SFMBT2: variants seen among roughly 807,000 people sequenced by gnomAD.
SFMBT2 encodes the protein Scm like with four mbt domains 2, also known as scm-like with four MBT domains protein 2.
A neutral mutation model predicts 110.1 loss-of-function variants in SFMBT2; 38 were observed. The observed-to-expected ratio is 0.35, with a 90% CI of 0.27 to 0.45. SFMBT2 has a LOEUF of 0.45. Ranked by LOEUF, SFMBT2 falls within the 20% of genes least tolerant of loss-of-function variation. The probability of loss-of-function intolerance (pLI) is 1.00; values close to 1 mark genes in which losing one functional copy is unlikely to be tolerated. For missense variants in SFMBT2, 1,011 were observed against 1,094.9 expected (o/e 0.92, Z 1.08); for synonymous variants, 425 against 425.4 (o/e 1.00, Z 0.01).
intron 4 of SFMBT2, among the ~76,000 whole-genome samples, chr10:7,346,103 A>C (rs1409879): frequency 6.6e-6 from 1 of 152,208 alleles, no homozygotes; most frequent in Non-Finnish European, 1.5e-5. Flanking sequence ...ACGTCCAAGC[A>C]GCAGAAGCTA....
At chr10:7,198,925 A>C (rs559077708) in intron 14 of SFMBT2, among the ~76,000 whole-genome samples, 1 of 152,034 alleles carries the variant, frequency 6.6e-6, no homozygotes, top group South Asian at 2.1e-4. Flanking sequence ...CCTGTAATCA[A>C]TCCATCCTGG....
chr10:7,298,652 T>C (rs903051172), intron 4 of SFMBT2, among the ~76,000 whole-genome samples: 2 of 152,166 alleles, frequency 1.3e-5, no homozygotes, highest in Non-Finnish European at 2.9e-5. Flanking sequence ...TATGTATATG[T>C]GTGTATGTAT....
intron 4 of SFMBT2, among the ~76,000 whole-genome samples, chr10:7,287,615 C>A (rs1228603147): frequency 6.6e-6 from 1 of 152,162 alleles, no homozygotes; most frequent in Non-Finnish European, 1.5e-5. Context: ...AGATGAACCA[C>A]CCATCACAGC....
chr10:7,200,547 A>G, intron 13 of SFMBT2, 63 bp from the exon 14 acceptor site: 1 of 1,370,494 alleles, frequency 7.3e-7, no homozygotes, highest in South Asian at 1.4e-5. Context: ...ACTACATTCC[A>G]AAGTCTTACC....
intron 16 of SFMBT2, among the ~76,000 whole-genome samples, chr10:7,184,169 A>G (rs1838328271): frequency 6.6e-6 from 1 of 152,090 alleles, no homozygotes; most frequent in Admixed American, 6.6e-5. Flanking sequence ...CAAAAAAATC[A>G]TCTCCTCTCC....
chr10:7,165,136 G>C (rs1044459187), intron 20 of SFMBT2, among the ~76,000 whole-genome samples: 3 of 152,160 alleles, frequency 2.0e-5, no homozygotes, highest in Admixed American at 6.5e-5. Flanking sequence ...TGAGGGGTCT[G>C]AGAGATTGCA....
intron 1 of SFMBT2, among the ~76,000 whole-genome samples, chr10:7,389,718 C>A (rs1356734420): frequency 2.0e-5 from 3 of 152,206 alleles, no homozygotes; most frequent in Non-Finnish European, 4.4e-5. Context: ...AACCTCTCTA[C>A]TCCTTGAATT....
chr10:7,297,844 G>A (rs578054356), intron 4 of SFMBT2, among the ~76,000 whole-genome samples: 1 of 152,310 alleles, frequency 6.6e-6, no homozygotes, highest in South Asian at 2.1e-4. Flanking sequence ...GGGTGAAAAT[G>A]TGGCCTCGAC....
intron 4 of SFMBT2, among the ~76,000 whole-genome samples, chr10:7,345,032 A>G (rs1844063032): frequency 6.6e-6 from 1 of 151,500 alleles, no homozygotes; most frequent in African/African-American, 2.4e-5. Context: ...ATGTGATTTC[A>G]GGCAATCAGG....
chr10:7,330,007 T>G (rs1843517799), intron 4 of SFMBT2, among the ~76,000 whole-genome samples: 1 of 152,198 alleles, frequency 6.6e-6, no homozygotes, highest in Non-Finnish European at 1.5e-5. Flanking sequence ...CAGAAACCCC[T>G]GAAGAAACCC....
At chr10:7,328,191 G>A (rs1198553593) in intron 4 of SFMBT2, among the ~76,000 whole-genome samples, 2 of 152,184 alleles carry the variant, frequency 1.3e-5, no homozygotes, top group Non-Finnish European at 2.9e-5. Flanking sequence ...AATATTGACT[G>A]TGGCTCTAAT....
chr10:7,347,106 A>T (rs1042771665), intron 4 of SFMBT2, among the ~76,000 whole-genome samples: 1 of 152,192 alleles, frequency 6.6e-6, no homozygotes, highest in African/African-American at 2.4e-5. Flanking sequence ...TTGTAGGAAA[A>T]GCAGCCTCCC....
At chr10:7,242,244 A>G (rs1263590685) in intron 9 of SFMBT2, among the ~76,000 whole-genome samples, 1 of 152,172 alleles carries the variant, frequency 6.6e-6, no homozygotes, top group Non-Finnish European at 1.5e-5. Context: ...GGGGACTCCC[A>G]CAGGTGTCTC....
intron 10 of SFMBT2, among the ~76,000 whole-genome samples, chr10:7,224,934 A>AT (rs1208754189): frequency 2.0e-5 from 3 of 152,246 alleles, no homozygotes; most frequent in Non-Finnish European, 2.9e-5. Flanking sequence ...TTTGAAAAAT[A>AT]TAACTATATC....
intron 16 of SFMBT2, among the ~76,000 whole-genome samples, chr10:7,183,185 A>G (rs191546801): frequency 6.6e-6 from 1 of 152,354 alleles, no homozygotes; most frequent in Admixed American, 6.5e-5. Flanking sequence ...AAGACAAAAA[A>G]GGTGACGGAG....
chr10:7,329,464 A>T, intron 4 of SFMBT2: 1 of 985,432 alleles, frequency 1.0e-6, no homozygotes, highest in Non-Finnish European at 1.2e-6. Flanking sequence ...AACTGAGGAA[A>T]TGTGTGTGGT....
At chr10:7,398,155 C>T (rs2245490) in intron 1 of SFMBT2, among the ~76,000 whole-genome samples, 44,890 of 152,144 alleles carry the variant, frequency 0.3, 10,147 homozygotes, top group African/African-American at 0.64. Flanking sequence ...ATAAGATCTA[C>T]TGGGGATAAT....
At position 7,263,094 on chromosome 10, in the gene SFMBT2, T is replaced by C. The variant is rs546053140; in HGVS notation, c.870+13798A>G. Reference sequence around the variant, plus strand: ...GAACCATGCTTTCAGGCCCAGACACTGGGGATGCCTGAGAGAACAGACCCG... The same window carrying C: ...GAACCATGCTTTCAGGCCCAGACACCGGGGATGCCTGAGAGAACAGACCCG... On this transcript the variant is annotated intron_variant, in intron 7 of 20. Transcript: ENST00000397167. Among the ~76,000 whole-genome samples the C allele has an allele frequency of 2.0e-5, 3 of 152,182 alleles. No individual in the cohort carries two copies. In the East Asian group the frequency reaches 5.8e-4, roughly 29 times the overall value.
intron 10 of SFMBT2, among the ~76,000 whole-genome samples, chr10:7,221,494 A>G (rs1839735605): frequency 2.0e-5 from 3 of 150,964 alleles, no homozygotes; most frequent in Non-Finnish European, 4.4e-5. Context: ...GGAACCTGGG[A>G]GGCAGAGGTT....
Sources: gnomAD v4.1 joint callset for allele counts (sites outside exome capture counted in the v4.1 genomes callset) on GRCh38, gnomAD v4.1.1 for gene constraint, MANE v1.5 for transcripts, NCBI Gene and HGNC (gene_info 2026-07-23, HGNC 2026-07-21) for gene names.